BYSL: variants seen among roughly 807,000 people sequenced by gnomAD.
BYSL encodes bystin.
In BYSL, 21 loss-of-function variants were observed where a neutral mutation model predicts 45.4. The ratio of observed to expected loss-of-function variants is 0.46; its 90% CI spans 0.33 to 0.67. The LOEUF is 0.67. Among genes scored for constraint, BYSL ranks in the 30% least tolerant of loss-of-function variants. The pLI is 0.02. For synonymous variants in BYSL, 215 were observed against 231.3 expected (o/e 0.93, Z 0.64); for missense variants, 522 against 578.5 (o/e 0.90, Z 1.00).
chr6:41,931,040 G>A (rs1472488759), intron 4 of BYSL, among the ~76,000 whole-genome samples: 2 of 152,052 alleles, frequency 1.3e-5, no homozygotes, highest in African/African-American at 4.8e-5. Context: ...ATTTCTAGGG[G>A]AGAGGCTTTT....
intron 2 of BYSL, among the ~76,000 whole-genome samples, chr6:41,929,083 G>T (rs1023246273): frequency 6.6e-6 from 1 of 152,090 alleles, no homozygotes; most frequent in African/African-American, 2.4e-5. Context: ...TGTTTTATTA[G>T]TAGAGACAGG....
chr6:41,912,946 A>G, the BYSL span: 1 of 151,934 alleles, frequency 6.6e-6, no homozygotes, highest in Admixed American at 6.6e-5. Context: ...TGACTCTACA[A>G]AAAAAATCAA....
intron 1 of BYSL, 63 bp downstream of exon 1, chr6:41,921,893 A>G: frequency 6.5e-7 from 1 of 1,528,634 alleles, no homozygotes; most frequent in East Asian, 2.3e-5. Flanking sequence ...GTGGGCAGCT[A>G]AAAAGTGTCT....
chr6:41,932,410 A>C lies in BYSL; in HGVS notation c.1018A>C (p.Ile340Leu). Residue 340 changes from isoleucine to leucine, a missense_variant, in exon 7 of 7, where the codon ATC becomes CTC. Transcript: ENST00000230340. The surrounding 1 kb of genome is among the most constrained non-coding windows in gnomAD (Gnocchi z 4.7). ...AEMEYSGANS[I>L]FLRLLLDKKY... is the part of the protein sequence containing the mutation. ...GATGGAATACAGCGGTGCCAACAGC[A>C]TCTTCCTGCGACTGCTGCTGGATAA... 6.2e-7 allele frequency: 1 copy of C among 1,613,948 alleles called. No homozygotes were observed. The highest frequency in any genetic ancestry group is 1.1e-5 in the South Asian group (1 of 91,082).
intron 1 of BYSL, among the ~76,000 whole-genome samples, chr6:41,923,860 C>T (rs1354475482): frequency 1.3e-5 from 2 of 152,160 alleles, no homozygotes; most frequent in Non-Finnish European, 2.9e-5. Flanking sequence ...CATTCCACTC[C>T]ACCTATTTAG....
In BYSL at chr6:41,932,463, G is replaced by A. The variant is rs766014632; in HGVS notation, c.1071G>A (p.Leu357=). Residue 357 remains leucine, a synonymous_variant, in exon 7 of 7, where the codon CTG becomes CTA. Coordinates refer to ENST00000230340, the MANE Select transcript of BYSL (RefSeq NM_004053.4). The surrounding 1 kb of genome is among the most constrained non-coding windows in gnomAD (Gnocchi z 4.7). ...AGTATGCACTGCCTTACCGGGTGCT[G>A]GATGCCCTAGTCTTCCACTTCCTGG... The part of the protein sequence containing the change: ...DKKYALPYRV[L]DALVFHFLGF... 9.9e-6 allele frequency: 16 copies of A among 1,614,198 alleles called. No individual in the cohort carries two copies. The South Asian group carries it at 1.4e-4, about 14-fold the overall frequency.
In BYSL at chr6:41,932,286, A is replaced by G; in HGVS notation, c.969-75A>G. On this transcript the variant is annotated intron_variant, in intron 6 of 6. Transcript: ENST00000230340. The surrounding 1 kb of genome is among the most constrained non-coding windows in gnomAD (Gnocchi z 4.7). ...GCAGAGGGGAAGAAAAAAAGGGGAA[A>G]GCATAGAGGGAGAAGTAGGATCCTT... 2.8e-6 allele frequency: 4 copies of G among 1,408,512 alleles called. No homozygotes were observed. Among genetic ancestry groups the G allele is most frequent in the Middle Eastern group, 1.8e-4 (1 of 5,518 alleles). The allele number at this position is 1,408,512 out of a possible 1,614,324, so 87.3% of individuals were successfully genotyped here.
upstream of BYSL, chr6:41,921,241 C>T (rs1775460302): frequency 4.6e-6 from 3 of 653,176 alleles, no homozygotes; most frequent in East Asian, 2.9e-5. Context: ...ATTCCCGCCC[C>T]GAGGTTTCTA....
chr6:41,932,246 A>G lies in BYSL; in HGVS notation c.969-115A>G. ...GGTGAGAAGGTCCCTGGGGAATACC[A>G]TAGTGTAAGGGCCAGCAGAGGGGAA... On this transcript the variant is annotated intron_variant, in intron 6 of 6. Coordinates refer to ENST00000230340, the MANE Select transcript of BYSL (RefSeq NM_004053.4). This position sits in a 1 kb window ranked among gnomAD's most constrained non-coding sequence, Gnocchi z 4.7. 1 of 995,164 alleles carries G rather than the reference A, an allele frequency of 1.0e-6. No homozygotes were observed. The highest frequency in any genetic ancestry group is 2.1e-5 in the Admixed American group (1 of 48,748). 61.6% of individuals were successfully genotyped at this position (995,164 alleles called of 1,614,324 possible).
chr6:41,909,267 A>AT, the BYSL span: 1 of 1,612,846 alleles, frequency 6.2e-7, no homozygotes, highest in East Asian at 2.2e-5. Context: ...CCAAGGTCTT[A>AT]CCTCCACAGA....
upstream of BYSL, chr6:41,921,416 C>T (rs549810323): frequency 1.0e-4 from 117 of 1,155,140 alleles, no homozygotes; most frequent in South Asian, 7.8e-4. Flanking sequence ...GGAGGGGCGG[C>T]GCTGATGGCG....
chr6:41,927,167 C>G (rs960062373), intron 1 of BYSL, among the ~76,000 whole-genome samples: 2 of 151,300 alleles, frequency 1.3e-5, no homozygotes, highest in Non-Finnish European at 2.9e-5. Context: ...CATTGCTTTT[C>G]TTATTGTTTC....
upstream of BYSL, chr6:41,921,337 A>G: frequency 1.6e-6 from 1 of 630,140 alleles, no homozygotes; most frequent in Non-Finnish European, 2.7e-6. Flanking sequence ...CACTATTGAG[A>G]GAAGCTAACG....
At chr6:41,918,995 G>A (rs1359931248), upstream of BYSL, among the ~76,000 whole-genome samples, 1 of 150,480 alleles carries the variant, frequency 6.6e-6, no homozygotes, top group Non-Finnish European at 1.5e-5. Flanking sequence ...CAGGCATGGT[G>A]GTGGGCGCCT....
At position 41,921,587 on chromosome 6, in the gene BYSL, G is replaced by A. The variant is rs768138610; in HGVS notation, c.25G>A (p.Gly9Arg). The A allele has an allele frequency of 1.9e-6, 3 of 1,585,544 alleles. No homozygotes were observed. The South Asian group carries it at 3.4e-5, about 18-fold the overall frequency. The change falls in exon 1 of 7, where the codon GGG becomes AGG. Residue 9 changes from glycine (G) to arginine (R), a missense_variant. Coordinates refer to ENST00000230340, the MANE Select transcript of BYSL (RefSeq NM_004053.4). ...AATGCCCAAATTCAAGGCGGCCCGTGGGGTGGGGGGTCAGGAAAAACATGC... is the reference window on the plus strand; with the variant it reads ...AATGCCCAAATTCAAGGCGGCCCGTAGGGTGGGGGGTCAGGAAAAACATGC... MPKFKAARGVGGQEKHAPL... is the reference protein window; with the variant it reads MPKFKAARRVGGQEKHAPL...
chr6:41,923,453 C>G (rs537203787), intron 1 of BYSL, among the ~76,000 whole-genome samples: 108 of 152,298 alleles, frequency 7.1e-4, no homozygotes, highest in African/African-American at 2.4e-3. Flanking sequence ...TGAGCCATCA[C>G]ATCCAGTTAA....
the BYSL span, among the ~76,000 whole-genome samples, chr6:41,915,498 AAC>A: frequency 2.6e-5 from 4 of 151,670 alleles, no homozygotes; most frequent in African/African-American, 9.7e-5. Flanking sequence ...ATCTCTTAAA[AAC>A]ACACACGCTG....
upstream of BYSL, chr6:41,916,760 C>A: frequency 6.2e-7 from 1 of 1,611,740 alleles, no homozygotes; most frequent in South Asian, 1.1e-5. Flanking sequence ...TGGTTCCAGC[C>A]ATCCTACAGA....
the BYSL span, chr6:41,908,992 G>C: frequency 4.2e-6 from 2 of 475,614 alleles, no homozygotes; most frequent in Non-Finnish European, 7.4e-6. Context: ...AGATCAGCCT[G>C]GGCAACATAG....
Sources: gnomAD v4.1 joint callset for allele counts (sites outside exome capture counted in the v4.1 genomes callset) on GRCh38, gnomAD v4.1.1 for gene constraint, Gnocchi (gnomAD v3.1) non-coding constraint, MANE v1.5 for transcripts, NCBI Gene and HGNC (gene_info 2026-07-23, HGNC 2026-07-21) for gene names.